The following SEMA3D variants were observed in gnomAD, a reference collection of about 807,000 sequenced individuals.
The protein encoded by SEMA3D is semaphorin 3D, also known as semaphorin-3D.
Under a neutral mutation model 100.1 loss-of-function variants are expected in SEMA3D, and 84 were observed. That is an observed-to-expected ratio of 0.84 (90% CI 0.70 to 1.01). The LOEUF (loss-of-function observed/expected upper bound fraction) is 1.01. SEMA3D is among the 50% of genes least tolerant of loss of function. The pLI, the probability that SEMA3D is intolerant of heterozygous loss-of-function variation, is 0.00. For synonymous variants in SEMA3D, 312 were observed against 320.7 expected, an observed-to-expected ratio of 0.97 and a Z score of 0.29; for missense variants, 875 against 934.1, an observed-to-expected ratio of 0.94 and a Z score of 0.82.
At chr7:85,127,282 T>C (rs1789594513) in intron 2 of SEMA3D, among the ~76,000 whole-genome samples, 1 of 152,174 alleles carries the variant, frequency 6.6e-6, no homozygotes, top group African/African-American at 2.4e-5. Flanking sequence ...ATTTTTATTT[T>C]GTAGCGGTTT....
the SEMA3D span, among the ~76,000 whole-genome samples, chr7:85,227,434 ATGTG>A: frequency 1.3e-5 from 2 of 152,134 alleles, no homozygotes; most frequent in Non-Finnish European, 2.9e-5. Context: ...TTTTTCTAAC[ATGTG>A]AGGGCACAGA....
At chr7:85,057,746 A>G (rs1791361804) in intron 8 of SEMA3D, among the ~76,000 whole-genome samples, 2 of 152,038 alleles carry the variant, frequency 1.3e-5, no homozygotes, top group South Asian at 2.1e-4. Context: ...CAGCCTGGCC[A>G]ATATGGTGCA....
intron 1 of SEMA3D, among the ~76,000 whole-genome samples, chr7:85,172,022 A>G (rs1791098162): frequency 6.6e-6 from 1 of 151,744 alleles, no homozygotes; most frequent in Non-Finnish European, 1.5e-5. Flanking sequence ...ACACACATAC[A>G]TATATAGACA....
At position 85,177,546 on chromosome 7, in the gene SEMA3D, T is replaced by A. The variant is rs533187803; in HGVS notation, c.-173+9132A>T. On this transcript the variant is annotated intron_variant, in intron 1 of 18. Transcript: ENST00000284136. ...GCACTGATGTTGTGTCTTGTCAATA[T>A]CATTAAAATAGCAAAGACAGATGTA... 7.9e-5 allele frequency among the ~76,000 whole-genome samples: 12 copies of A among 152,268 alleles called. No homozygotes were observed. The East Asian group carries it at 1.9e-3, about 24-fold the overall frequency.
intron 2 of SEMA3D, chr7:85,142,897 T>A (rs1463093965): frequency 8.1e-6 from 8 of 985,078 alleles, no homozygotes; most frequent in Non-Finnish European, 9.6e-6. Context: ...ATCCATGAGT[T>A]GAAAAGACTT....
rs922540531 is a variant in SEMA3D, at chr7:85,006,956, T to C, written c.1769-15A>G. 1.0e-5 allele frequency: 16 copies of C among 1,606,032 alleles called. No individual in the cohort carries two copies. Among genetic ancestry groups the C allele is most frequent in the Middle Eastern group, 1.7e-4 (1 of 6,018 alleles). On this transcript the variant is annotated splice_polypyrimidine_tract_variant and intron_variant, in intron 17 of 18. Transcript: ENST00000284136. The stretch of plus-strand genomic sequence containing the variant: ...ATGACTAATGCCTGGAAAGCAAACA[T>C]GGAATAAGAGATTAACCTTGACCTG...
chr7:85,233,826 G>T, the SEMA3D span, among the ~76,000 whole-genome samples: 1 of 152,146 alleles, frequency 6.6e-6, no homozygotes, highest in Non-Finnish European at 1.5e-5. Flanking sequence ...CGTTGTGAAA[G>T]ACAAAGGAAG....
intron 9 of SEMA3D, among the ~76,000 whole-genome samples, chr7:85,043,707 A>G (rs1219022062): frequency 6.6e-6 from 1 of 151,986 alleles, no homozygotes; most frequent in Non-Finnish European, 1.5e-5. Context: ...TGTTCTCGTG[A>G]TAGTGAATGG....
At chr7:85,066,495 G>C (rs567698152) in intron 7 of SEMA3D, among the ~76,000 whole-genome samples, 1 of 151,904 alleles carries the variant, frequency 6.6e-6, no homozygotes, top group Non-Finnish European at 1.5e-5. Flanking sequence ...CCTAATGTTA[G>C]TCAGGGTGTT....
chr7:85,142,357 A>T (rs1790076303), intron 2 of SEMA3D: 1 of 932,288 alleles, frequency 1.1e-6, no homozygotes, highest in Admixed American at 6.2e-5. Flanking sequence ...ATTGCTTTAA[A>T]ATCAAAATTT....
chr7:85,144,620 T>C lies in SEMA3D; in HGVS notation c.-41+8988A>G, dbSNP rs572590127. ...GTTTCTAAGAATTTATACACATATA[T>C]ACATTTTTTCCTTTGGGAACTGGCC... is the stretch of plus-strand genomic sequence containing the variant. On this transcript the variant is annotated intron_variant, in intron 2 of 18. Coordinates refer to ENST00000284136, the MANE Select transcript of SEMA3D (RefSeq NM_001384900.1). 37 of 984,410 alleles carry C rather than the reference T, an allele frequency of 3.8e-5. No homozygotes were observed. The South Asian group carries it at 7.1e-4, about 19-fold the overall frequency. 61.0% of individuals were successfully genotyped at this position (984,410 alleles called of 1,614,324 possible).
chr7:85,046,905 C>A (rs1032326559), intron 9 of SEMA3D, among the ~76,000 whole-genome samples: 6 of 151,930 alleles, frequency 3.9e-5, no homozygotes, highest in Non-Finnish European at 8.8e-5. Flanking sequence ...ATTAAGATGT[C>A]AAAATCAGCA....
At chr7:85,244,946 G>T in the SEMA3D span, among the ~76,000 whole-genome samples, 106 of 152,194 alleles carry the variant, frequency 7.0e-4, no homozygotes, top group African/African-American at 2.5e-3. Context: ...TCCTGACCTT[G>T]TGATCTGCCC....
the SEMA3D span, among the ~76,000 whole-genome samples, chr7:85,242,510 G>A: frequency 2.6e-5 from 4 of 152,038 alleles, no homozygotes; most frequent in East Asian, 7.8e-4. Flanking sequence ...TCTGTTATTT[G>A]TCTCTAGTTT....
intron 1 of SEMA3D, among the ~76,000 whole-genome samples, chr7:85,172,722 G>A (rs530219926): frequency 4.6e-5 from 7 of 152,064 alleles, no homozygotes; most frequent in African/African-American, 1.7e-4. Flanking sequence ...CAAGCATTCT[G>A]GGCTCTCTTA....
intron 4 of SEMA3D, among the ~76,000 whole-genome samples, chr7:85,095,384 T>C (rs1419505184): frequency 6.7e-6 from 1 of 149,472 alleles, no homozygotes; most frequent in African/African-American, 2.4e-5. Context: ...CAATTGAGTA[T>C]TTTCTACAGA....
chr7:85,208,041 T>G, the SEMA3D span, among the ~76,000 whole-genome samples: 1 of 152,016 alleles, frequency 6.6e-6, no homozygotes, highest in Admixed American at 6.6e-5. Context: ...GCTAAATCAC[T>G]CCCAATTTAC....
chr7:85,165,683 G>A (rs1206702841), intron 1 of SEMA3D, among the ~76,000 whole-genome samples: 1 of 151,996 alleles, frequency 6.6e-6, no homozygotes, highest in African/African-American at 2.4e-5. Flanking sequence ...CTTTTAAAAA[G>A]TTCACAATAT....
chr7:85,036,317 C>A (rs939818295), intron 12 of SEMA3D, among the ~76,000 whole-genome samples: 1 of 151,874 alleles, frequency 6.6e-6, no homozygotes, highest in African/African-American at 2.4e-5. Context: ...TTCTTACTTA[C>A]ATCATTTGTG....
Sources: gnomAD v4.1 joint callset for allele counts (sites outside exome capture counted in the v4.1 genomes callset) on GRCh38, gnomAD v4.1.1 for gene constraint, MANE v1.5 for transcripts, NCBI Gene and HGNC (gene_info 2026-07-23, HGNC 2026-07-21) for gene names.